DGKB: variants seen among roughly 807,000 people sequenced by gnomAD.
DGKB encodes diacylglycerol kinase beta, also known as 90 kDa diacylglycerol kinase.
In DGKB, 67 loss-of-function variants were observed where a neutral mutation model predicts 114.3. The ratio of observed to expected loss-of-function variants is 0.59; its 90% CI spans 0.48 to 0.72. The LOEUF is 0.72. Ranked by LOEUF, DGKB falls within the 30% of genes least tolerant of loss-of-function variation. The probability of loss-of-function intolerance (pLI) is 0.00; values close to 1 mark genes in which losing one functional copy is unlikely to be tolerated. For missense variants in DGKB, 907 were observed against 975.2 expected, an observed-to-expected ratio of 0.93 and a Z score of 0.93; for synonymous variants, 398 against 323.1, an observed-to-expected ratio of 1.23 and a Z score of -2.49.
intron 21 of DGKB, among the ~76,000 whole-genome samples, chr7:14,375,972 T>A (rs1563052576): frequency 6.6e-6 from 1 of 152,216 alleles, no homozygotes; most frequent in Non-Finnish European, 1.5e-5. Context: ...TGGTTCAAAC[T>A]TGTTTCAAGA....
chr7:14,232,880 C>A (rs1473418559), intron 23 of DGKB, among the ~76,000 whole-genome samples: 2 of 152,128 alleles, frequency 1.3e-5, no homozygotes, highest in African/African-American at 4.8e-5. Context: ...AAATTCTAGG[C>A]TCTATTCTAC....
At chr7:14,380,048 A>G (rs12536853) in intron 21 of DGKB, among the ~76,000 whole-genome samples, 16,435 of 152,190 alleles carry the variant, frequency 0.11, 1,145 homozygotes, top group Non-Finnish European at 0.15. Flanking sequence ...GAAACTCTAT[A>G]CTAATAAGTG....
chr7:14,908,205 T>C (rs1346552033), upstream of DGKB, among the ~76,000 whole-genome samples: 1 of 152,208 alleles, frequency 6.6e-6, no homozygotes, highest in Non-Finnish European at 1.5e-5. Flanking sequence ...GGCATACATA[T>C]TGTGATTTTA....
intron 2 of DGKB, among the ~76,000 whole-genome samples, chr7:14,784,894 C>T (rs936642793): frequency 1.3e-5 from 2 of 151,382 alleles, no homozygotes; most frequent in African/African-American, 4.9e-5. Flanking sequence ...ACAATATATT[C>T]TATGTGTATT....
intron 6 of DGKB, among the ~76,000 whole-genome samples, chr7:14,709,279 C>T (rs1389415636): frequency 6.6e-6 from 1 of 150,630 alleles, no homozygotes; most frequent in Admixed American, 6.6e-5. Context: ...CCATCTCACA[C>T]CAGTTAGAAT....
intron 23 of DGKB, among the ~76,000 whole-genome samples, chr7:14,262,752 T>A (rs1294461314): frequency 6.6e-6 from 1 of 152,002 alleles, no homozygotes; most frequent in Non-Finnish European, 1.5e-5. Flanking sequence ...AATGATAAAC[T>A]CAGAATTAGG....
At chr7:14,739,545 G>A (rs911156525) in intron 4 of DGKB, among the ~76,000 whole-genome samples, 8 of 152,028 alleles carry the variant, frequency 5.3e-5, no homozygotes, top group South Asian at 2.1e-4. Context: ...CAATGTGTCC[G>A]CATGTTTAAT....
upstream of DGKB, among the ~76,000 whole-genome samples, chr7:14,905,298 A>G (rs1783637716): frequency 6.6e-6 from 1 of 151,138 alleles, no homozygotes; most frequent in South Asian, 2.1e-4. Flanking sequence ...TCACTTTAAG[A>G]AAAAACCACT....
chr7:14,280,507 G>A (rs1437341961), intron 23 of DGKB, among the ~76,000 whole-genome samples: 1 of 148,850 alleles, frequency 6.7e-6, no homozygotes, highest in Non-Finnish European at 1.5e-5. Context: ...GAAATACAGA[G>A]AACGCCACAA....
intron 13 of DGKB, among the ~76,000 whole-genome samples, chr7:14,664,995 C>T (rs1817773775): frequency 6.6e-6 from 1 of 151,842 alleles, no homozygotes; most frequent in African/African-American, 2.4e-5. Flanking sequence ...AAAAATAATG[C>T]AATGATCTTA....
chr7:14,418,387 A>ACACGTGTGTG, intron 21 of DGKB, among the ~76,000 whole-genome samples: 1 of 145,942 alleles, frequency 6.9e-6, no homozygotes, highest in African/African-American at 2.5e-5. Context: ...ATATATATAT[A>ACACGTGTGTG]TATATACACA....
intron 19 of DGKB, among the ~76,000 whole-genome samples, chr7:14,580,646 T>C (rs1799785553): frequency 6.6e-6 from 1 of 152,228 alleles, no homozygotes; most frequent in South Asian, 2.1e-4. Flanking sequence ...TTTAAGTCTC[T>C]ATTTAATATC....
chr7:14,924,937 C>T (rs1562879696), intron 1 of DGKB, among the ~76,000 whole-genome samples: 1 of 152,112 alleles, frequency 6.6e-6, no homozygotes, highest in East Asian at 1.9e-4. Flanking sequence ...CTCTCCTTCC[C>T]CTGTCCCCAA....
chr7:14,931,993 T>C (rs1455166969), intron 1 of DGKB, among the ~76,000 whole-genome samples: 1 of 152,158 alleles, frequency 6.6e-6, no homozygotes, highest in Non-Finnish European at 1.5e-5. Flanking sequence ...CTGCAATCAA[T>C]GCTGCTGGTT....
intron 1 of DGKB, among the ~76,000 whole-genome samples, chr7:14,935,912 C>T (rs180701750): frequency 2.0e-5 from 3 of 152,166 alleles, no homozygotes; most frequent in Non-Finnish European, 4.4e-5. Context: ...CCAAAAACTT[C>T]TCTGGTGATG....
At chr7:14,709,809 A>C in intron 6 of DGKB, among the ~76,000 whole-genome samples, 2 of 110,190 alleles carry the variant, frequency 1.8e-5, no homozygotes, top group East Asian at 2.8e-4. Context: ...CACTCTGGGG[A>C]CTGTGGTGGG....
At chr7:14,642,410 T>C (rs1015164442) in intron 13 of DGKB, among the ~76,000 whole-genome samples, 23 of 152,254 alleles carry the variant, frequency 1.5e-4, no homozygotes, top group Admixed American at 1.4e-3. Context: ...GTAGACTCTT[T>C]AATACCAAAA....
intron 19 of DGKB, among the ~76,000 whole-genome samples, chr7:14,575,305 C>T (rs13438451): frequency 0.21 from 32,331 of 152,074 alleles, 4,711 homozygotes; most frequent in East Asian, 0.61. Flanking sequence ...CACTACAGGT[C>T]CCTCTTAACC....
intron 20 of DGKB, among the ~76,000 whole-genome samples, chr7:14,540,662 G>T (rs1027190020): frequency 2.0e-5 from 3 of 152,032 alleles, no homozygotes; most frequent in Non-Finnish European, 2.9e-5. Context: ...TTTATGAGTG[G>T]TTTTATTTTT....
Sources: allele counts gnomAD v4.1 joint callset (sites outside exome capture counted in the v4.1 genomes callset), GRCh38; gene constraint gnomAD v4.1.1; transcripts MANE v1.5; gene names NCBI Gene and HGNC (gene_info 2026-07-23, HGNC 2026-07-21).